Variants in CCDC146 observed in about 807,000 individuals in gnomAD.
CCDC146 encodes coiled-coil domain-containing protein 146.
In CCDC146, 92 loss-of-function variants were observed where a neutral mutation model predicts 119.3. That is an observed-to-expected ratio of 0.77 (90% CI 0.65 to 0.92). The LOEUF is 0.92. Among genes scored for constraint, CCDC146 ranks in the 40% least tolerant of loss-of-function variants. CCDC146 has a pLI of 0.00. For missense variants in CCDC146, 1,000 were observed against 1,103.0 expected, an observed-to-expected ratio of 0.91 and a Z score of 1.32; for synonymous variants, 372 against 371.8, an observed-to-expected ratio of 1.00 and a Z score of -0.01.
intron 18 of CCDC146, among the ~76,000 whole-genome samples, chr7:77,293,464 T>C (rs1793989552): frequency 6.6e-6 from 1 of 152,238 alleles, no homozygotes; most frequent in Non-Finnish European, 1.5e-5. Flanking sequence ...CTGAACATCA[T>C]GGCCTTCCAC....
intron 2 of CCDC146, among the ~76,000 whole-genome samples, chr7:77,222,435 A>C (rs1420578185): frequency 1.3e-5 from 2 of 152,130 alleles, no homozygotes; most frequent in East Asian, 3.9e-4. Flanking sequence ...TGTGGGGAGC[A>C]CCTCTGTCCC....
chr7:77,196,817 C>T lies in CCDC146; in HGVS notation c.156+28993C>T, dbSNP rs1016961575. 10 of 1,613,982 alleles carry T rather than the reference C, an allele frequency of 6.2e-6. No individual in the cohort carries two copies. The highest frequency in any genetic ancestry group is 8.5e-6 in the Non-Finnish European group (10 of 1,180,024). Reference sequence around the variant, plus strand: ...TTGCCATGTTCTGGTGAAGTTGGTGCTCCCATCGAGACGTGCCTGCAGCAC... The same window carrying T: ...TTGCCATGTTCTGGTGAAGTTGGTGTTCCCATCGAGACGTGCCTGCAGCAC... On this transcript the variant is annotated intron_variant, in intron 2 of 18. Transcript: ENST00000285871. This position sits in a 1 kb window ranked among gnomAD's most constrained non-coding sequence, Gnocchi z 4.2.
intron 1 of CCDC146, among the ~76,000 whole-genome samples, chr7:77,162,088 A>G (rs1055653600): frequency 2.6e-5 from 4 of 152,206 alleles, no homozygotes; most frequent in South Asian, 2.1e-4. Flanking sequence ...ATTTCCTCCT[A>G]TTCCATAGGT....
At chr7:77,206,429 A>G (rs1470678908) in intron 2 of CCDC146, among the ~76,000 whole-genome samples, 4 of 152,096 alleles carry the variant, frequency 2.6e-5, no homozygotes, top group Admixed American at 2.0e-4. Flanking sequence ...AGCCCGGCCA[A>G]TGTGGTGAAA....
chr7:77,224,380 C>T (rs1792464590), intron 2 of CCDC146, among the ~76,000 whole-genome samples: 1 of 152,190 alleles, frequency 6.6e-6, no homozygotes, highest in South Asian at 2.1e-4. Flanking sequence ...ATCTTTCCTC[C>T]TTCTCCTTTC....
intron 2 of CCDC146, chr7:77,197,083 C>A (rs988876547): frequency 1.3e-6 from 1 of 742,068 alleles, no homozygotes; most frequent in Admixed American, 2.6e-5. Context: ...ATAATTGAAT[C>A]AATGGCAGTA....
chr7:77,223,142 TC>T (rs1562838044), intron 2 of CCDC146, among the ~76,000 whole-genome samples: 1 of 151,940 alleles, frequency 6.6e-6, no homozygotes, highest in African/African-American at 2.4e-5. Flanking sequence ...TGCTACCATC[TC>T]CCCCCAGGAT....
intron 4 of CCDC146, chr7:77,242,303 A>C: frequency 1.2e-6 from 1 of 828,924 alleles, no homozygotes; most frequent in Non-Finnish European, 1.5e-6. Flanking sequence ...TTTTCCAAAC[A>C]AGCCTCCATG....
At chr7:77,181,859 C>T (rs536533631) in intron 2 of CCDC146, among the ~76,000 whole-genome samples, 1 of 152,166 alleles carries the variant, frequency 6.6e-6, no homozygotes, top group East Asian at 1.9e-4. Context: ...ACCTTAAAGA[C>T]TTGTTTTTCT....
chr7:77,192,932 T>A (rs970635417), intron 2 of CCDC146, among the ~76,000 whole-genome samples: 3 of 151,100 alleles, frequency 2.0e-5, no homozygotes, highest in South Asian at 4.2e-4. Flanking sequence ...CTAAAAAAAA[T>A]AAAATAAAAT....
chr7:77,248,365 G>A (rs1290633447), intron 4 of CCDC146, among the ~76,000 whole-genome samples: 1 of 152,126 alleles, frequency 6.6e-6, no homozygotes, highest in Non-Finnish European at 1.5e-5. Context: ...AAGCCCTGAC[G>A]TCACCACACT....
chr7:77,264,398 C>T (rs906740046), intron 9 of CCDC146, among the ~76,000 whole-genome samples: 1 of 152,166 alleles, frequency 6.6e-6, no homozygotes, highest in African/African-American at 2.4e-5. Flanking sequence ...GCTGGGATTA[C>T]AGGCATGTGC....
chr7:77,218,748 T>C (rs185052504), intron 2 of CCDC146, among the ~76,000 whole-genome samples: 133 of 152,080 alleles, frequency 8.7e-4, no homozygotes, highest in Middle Eastern at 3.4e-3. Flanking sequence ...TTTTTTTATT[T>C]TTTGTAGAGA....
intron 4 of CCDC146, among the ~76,000 whole-genome samples, chr7:77,250,732 G>T (rs995730412): frequency 6.6e-6 from 1 of 151,516 alleles, no homozygotes; most frequent in Non-Finnish European, 1.5e-5. Context: ...GGAATTTCTC[G>T]TGTTCCTTTC....
Position 77,279,009 on chromosome 7 carries a change from A to G in CCDC146, c.1602A>G (p.Lys534=). ...ACAAATTTGTTAACTTACTCCACAA[A>G]GCTCATCAGAAAGTAAATGAAATAA... is the stretch of plus-strand genomic sequence containing the variant. ...ERNKFVNLLH[K]AHQKVNEIKE... is the part of the protein sequence containing the mutation. Residue 534 remains lysine, a synonymous_variant, in exon 13 of 19, where the codon AAA becomes AAG. Transcript: ENST00000285871. 3.7e-6 allele frequency: 6 copies of G among 1,612,772 alleles called. No individual in the cohort carries two copies. Among genetic ancestry groups the G allele is most frequent in the Non-Finnish European group, 5.1e-6 (6 of 1,179,402 alleles).
intron 1 of CCDC146, among the ~76,000 whole-genome samples, chr7:77,133,955 A>G (rs1456545862): frequency 6.6e-6 from 1 of 152,168 alleles, no homozygotes; most frequent in African/African-American, 2.4e-5. Flanking sequence ...TATAAGGTGA[A>G]GCAGTACACA....
intron 1 of CCDC146, among the ~76,000 whole-genome samples, chr7:77,164,126 G>A (rs1791306415): frequency 6.6e-6 from 1 of 151,884 alleles, no homozygotes; most frequent in African/African-American, 2.4e-5. Context: ...GTCTCCCAAA[G>A]TGCTGAGATT....
chr7:77,287,710 G>A (rs1294242555), intron 17 of CCDC146, 133 bp downstream of exon 17: 10 of 904,274 alleles, frequency 1.1e-5, no homozygotes, highest in African/African-American at 1.7e-5. Flanking sequence ...TTAGAAAAAC[G>A]AAAGGATGAC....
rs144009776 is a variant in CCDC146, at chr7:77,282,776, C to T, written c.2139C>T (p.Leu713=). Residue 713 remains leucine (L), a synonymous_variant, in exon 15 of 19, where the codon CTC becomes CTT. Transcript: ENST00000285871. ...KRSLDADLAV[L]QIQFSQCTDR... is the part of the protein sequence containing the mutation. The stretch of plus-strand genomic sequence containing the variant: ...CCCTGGATGCCGACCTAGCTGTGCT[C>T]CAAATTCAGGTGGGTGAGTGATCAC... 1.3e-4 allele frequency: 213 copies of T among 1,612,534 alleles called. No homozygotes were observed. The highest frequency in any genetic ancestry group is 1.7e-4 in the Non-Finnish European group (205 of 1,178,850).
Sources: allele counts gnomAD v4.1 joint callset (sites outside exome capture counted in the v4.1 genomes callset), GRCh38; gene constraint gnomAD v4.1.1; non-coding constraint Gnocchi (gnomAD v3.1); transcripts MANE v1.5; gene names NCBI Gene and HGNC (gene_info 2026-07-23, HGNC 2026-07-21).